TENM4: variants seen among roughly 807,000 people sequenced by gnomAD.
TENM4 encodes the protein teneurin transmembrane protein 4.
A neutral mutation model predicts 243.3 loss-of-function variants in TENM4; 82 were observed. The ratio of observed to expected loss-of-function variants is 0.34; its 90% CI spans 0.28 to 0.40. The LOEUF (loss-of-function observed/expected upper bound fraction) is 0.40. TENM4 is among the 10% of genes least tolerant of loss of function. TENM4 has a pLI of 1.00. For missense variants in TENM4, 3,138 were observed against 3,673.3 expected, an observed-to-expected ratio of 0.85 and a Z score of 3.77; for synonymous variants, 1,412 against 1,456.3, an observed-to-expected ratio of 0.97 and a Z score of 0.69.
chr11:78,686,785 G>A (rs544523272), intron 29 of TENM4, among the ~76,000 whole-genome samples: 17 of 152,318 alleles, frequency 1.1e-4, no homozygotes, highest in African/African-American at 3.4e-4. Flanking sequence ...CAAAAACCAC[G>A]GTTAAAGGTG....
At chr11:79,034,769 A>G (rs1450308676) in intron 6 of TENM4, among the ~76,000 whole-genome samples, 1 of 152,184 alleles carries the variant, frequency 6.6e-6, no homozygotes. Context: ...TACGTGGACC[A>G]TGATGATATG....
intron 1 of TENM4, among the ~76,000 whole-genome samples, chr11:79,307,571 C>A (rs1246344007): frequency 6.6e-6 from 1 of 152,218 alleles, no homozygotes; most frequent in Non-Finnish European, 1.5e-5. Context: ...GCCTCCCAAC[C>A]AGTCTCCCTG....
At chr11:79,172,335 G>A (rs1045779667) in intron 3 of TENM4, among the ~76,000 whole-genome samples, 1 of 152,176 alleles carries the variant, frequency 6.6e-6, no homozygotes, top group Non-Finnish European at 1.5e-5. Flanking sequence ...GCCCACTACA[G>A]CCTCCTAAAG....
chr11:79,159,060 A>G (rs1031358636), intron 3 of TENM4, among the ~76,000 whole-genome samples: 1 of 152,186 alleles, frequency 6.6e-6, no homozygotes, highest in African/African-American at 2.4e-5. Flanking sequence ...CCAGGCCAAG[A>G]AACAATGAGC....
chr11:79,424,414 C>T lies in TENM4; in HGVS notation c.-321+16095G>A, dbSNP rs138776017. On this transcript the variant is annotated intron_variant, in intron 1 of 33. Coordinates refer to ENST00000278550, the MANE Select transcript of TENM4 (RefSeq NM_001098816.3). Reference sequence around the variant, plus strand: ...CTCATGAGTTCGAGACCAGCCTGGACAACATGGCAAAACCTAGTCTCTACA... The same window carrying T: ...CTCATGAGTTCGAGACCAGCCTGGATAACATGGCAAAACCTAGTCTCTACA... Among the ~76,000 whole-genome samples, 1,449 of 152,222 alleles carry T rather than the reference C, an allele frequency of 9.5e-3. 17 individuals carry two copies. The highest frequency in any genetic ancestry group is 0.033 in the African/African-American group (1,370 of 41,538).
At chr11:78,802,255 T>A (rs1344880826) in intron 15 of TENM4, among the ~76,000 whole-genome samples, 1 of 152,262 alleles carries the variant, frequency 6.6e-6, no homozygotes, top group Non-Finnish European at 1.5e-5. Flanking sequence ...GTGCTTACTG[T>A]ATGACGGACA....
At chr11:78,833,682 T>G (rs1339951724) in intron 12 of TENM4, among the ~76,000 whole-genome samples, 1 of 152,218 alleles carries the variant, frequency 6.6e-6, no homozygotes, top group Admixed American at 6.5e-5. Flanking sequence ...CTGGACCCCC[T>G]TCCTTGGCTT....
intron 15 of TENM4, among the ~76,000 whole-genome samples, chr11:78,801,273 C>T (rs1220304646): frequency 2.0e-5 from 3 of 152,194 alleles, no homozygotes; most frequent in African/African-American, 7.2e-5. Flanking sequence ...TAGCCACCTC[C>T]CCCACCATCA....
intron 1 of TENM4, among the ~76,000 whole-genome samples, chr11:79,435,016 G>A (rs966329637): frequency 5.3e-5 from 8 of 152,130 alleles, no homozygotes; most frequent in Admixed American, 3.3e-4. Context: ...GTCACCGTAG[G>A]AGGAAAAGAG....
chr11:79,296,642 T>C (rs575271681), intron 2 of TENM4, among the ~76,000 whole-genome samples: 2 of 152,370 alleles, frequency 1.3e-5, no homozygotes, highest in East Asian at 1.9e-4. Context: ...TGGAACAGTC[T>C]GCTGTTATTA....
chr11:78,855,818 C>T, intron 11 of TENM4, 146 bp downstream of exon 11: 1 of 751,138 alleles, frequency 1.3e-6, no homozygotes. Flanking sequence ...AAGGGTGGGT[C>T]TGAGAGGGAC....
chr11:79,301,783 C>T (rs991683262), intron 1 of TENM4, among the ~76,000 whole-genome samples: 2 of 152,116 alleles, frequency 1.3e-5, no homozygotes, highest in Non-Finnish European at 2.9e-5. Context: ...GTTCTCTTGG[C>T]CTCACCCCCC....
At position 78,656,862 on chromosome 11, in the gene TENM4, T is replaced by C. The variant is rs1857908298; in HGVS notation, c.*1196A>G. ...CGATCAGCTGGTACATGGAGGCAGA[T>C]GGGACTTTGGGAACTGGTTAGAAGG... On this transcript the variant is annotated 3_prime_UTR_variant, in exon 34 of 34. Transcript: ENST00000278550. 5.0e-6 allele frequency: 2 copies of C among 396,214 alleles called. No homozygotes were observed. Among genetic ancestry groups the C allele is most frequent in the Admixed American group, 8.8e-5 (2 of 22,684 alleles). 24.5% of individuals were successfully genotyped at this position (396,214 alleles called of 1,614,324 possible).
chr11:79,027,128 C>T (rs1343143362), intron 6 of TENM4, among the ~76,000 whole-genome samples: 1 of 152,158 alleles, frequency 6.6e-6, no homozygotes, highest in Non-Finnish European at 1.5e-5. Context: ...TTGGAATTAT[C>T]CAGACTTAAA....
intron 15 of TENM4, among the ~76,000 whole-genome samples, chr11:78,792,133 C>T (rs1036636509): frequency 1.3e-5 from 2 of 152,178 alleles, no homozygotes; most frequent in Admixed American, 1.3e-4. Context: ...GCTCTGTGTA[C>T]ACTATGCTGT....
intron 28 of TENM4, among the ~76,000 whole-genome samples, chr11:78,691,802 A>G (rs1002719160): frequency 6.6e-6 from 1 of 152,230 alleles, no homozygotes; most frequent in Non-Finnish European, 1.5e-5. Context: ...AATGAACATC[A>G]TATAGAGCAA....
chr11:78,680,237 CT>C (rs1181457642), intron 29 of TENM4, among the ~76,000 whole-genome samples: 4 of 900 alleles, frequency 4.4e-3, no homozygotes, highest in South Asian at 0.026. Flanking sequence ...CTAAAATTCT[CT>C]TTTTTGGTTG....
rs145105646 is a variant in TENM4, at chr11:79,080,301, G to A, written c.-65-10292C>T. ...TGGAGCGGATGCAGTCTTGATCCTC[G>A]AAGAGCCCACAGGAATGTCAGAAGG... On this transcript the variant is annotated intron_variant, in intron 4 of 33. Transcript: ENST00000278550. Among the ~76,000 whole-genome samples the A allele has an allele frequency of 1.3e-3, 195 of 152,284 alleles. 1 individual carries two copies. Among genetic ancestry groups the A allele is most frequent in the African/African-American group, 4.4e-3 (183 of 41,564 alleles).
intron 3 of TENM4, among the ~76,000 whole-genome samples, chr11:79,176,602 A>G (rs1478185147): frequency 2.0e-5 from 3 of 152,192 alleles, no homozygotes; most frequent in African/African-American, 7.2e-5. Context: ...CTTGACACCT[A>G]ATTATTTACT....
Sources: allele counts gnomAD v4.1 joint callset (sites outside exome capture counted in the v4.1 genomes callset), GRCh38; gene constraint gnomAD v4.1.1; transcripts MANE v1.5; gene names NCBI Gene and HGNC (gene_info 2026-07-23, HGNC 2026-07-21).